COG5: variants seen among roughly 807,000 people sequenced by gnomAD.
The protein encoded by COG5 is conserved oligomeric Golgi complex subunit 5.
COG5 carries 86 observed loss-of-function variants against 110.4 expected under a neutral mutation model. The observed-to-expected ratio is 0.78, with a 90% CI of 0.65 to 0.93. The LOEUF (loss-of-function observed/expected upper bound fraction) is 0.93. Ranked by LOEUF, COG5 falls within the 40% of genes least tolerant of loss-of-function variation. COG5 has a pLI of 0.00. For synonymous variants in COG5, 360 were observed against 334.6 expected (o/e 1.08, Z -0.83); for missense variants, 1,077 against 987.0 (o/e 1.09, Z -1.22).
intron 21 of COG5, among the ~76,000 whole-genome samples, chr7:107,205,853 T>C (rs1027454244): frequency 6.6e-6 from 1 of 151,808 alleles, no homozygotes; most frequent in African/African-American, 2.4e-5. Context: ...ATCCGGCACT[T>C]TGGAATCCCT....
rs759260010 is a variant in COG5, at chr7:107,236,439, C to A, written c.2091+11G>T. ...AAACATTTTTTCTTTTGTAGTAATTCATCAATGTACCTGTGCAAAATCAGC... is the reference window on the plus strand; with the variant it reads ...AAACATTTTTTCTTTTGTAGTAATTAATCAATGTACCTGTGCAAAATCAGC... On this transcript the variant is annotated intron_variant, in intron 18 of 21. Coordinates refer to ENST00000297135, the MANE Select transcript of COG5 (RefSeq NM_006348.5). 2.5e-6 allele frequency: 4 copies of A among 1,585,912 alleles called. No individual in the cohort carries two copies. The South Asian group carries it at 3.3e-5, about 13-fold the overall frequency.
chr7:107,516,131 A>C (rs1345470043), intron 6 of COG5, among the ~76,000 whole-genome samples: 1 of 152,234 alleles, frequency 6.6e-6, no homozygotes, highest in African/African-American at 2.4e-5. Context: ...AACCTGCATT[A>C]AAAAGTACAA....
intron 6 of COG5, among the ~76,000 whole-genome samples, chr7:107,487,839 T>G (rs1797739293): frequency 6.6e-6 from 1 of 152,122 alleles, no homozygotes; most frequent in African/African-American, 2.4e-5. Context: ...TTTATTAACA[T>G]GGCATTATGT....
intron 3 of COG5, chr7:107,549,396 G>C (rs1354026953): frequency 1.3e-5 from 2 of 151,798 alleles, no homozygotes; most frequent in African/African-American, 4.9e-5. Context: ...TTTTTGTCTA[G>C]GCTTTCTTTT....
intron 16 of COG5, chr7:107,253,140 C>G (rs940088644): frequency 6.6e-6 from 1 of 152,006 alleles, no homozygotes; most frequent in Non-Finnish European, 1.5e-5. Context: ...AATAAAAATC[C>G]CTATTTGCAT....
intron 11 of COG5, among the ~76,000 whole-genome samples, chr7:107,310,744 C>T (rs1010700470): frequency 6.6e-6 from 1 of 152,130 alleles, no homozygotes; most frequent in Admixed American, 6.6e-5. Flanking sequence ...AACACTAAGA[C>T]ATCCCAAAAG....
At chr7:107,311,332 G>T in intron 11 of COG5, among the ~76,000 whole-genome samples, 1 of 136,070 alleles carries the variant, frequency 7.3e-6, no homozygotes. Context: ...TGTACGTTCT[G>T]CATTTCTCTA....
At chr7:107,387,376 G>A (rs894579757) in intron 7 of COG5, among the ~76,000 whole-genome samples, 7 of 152,282 alleles carry the variant, frequency 4.6e-5, no homozygotes, top group East Asian at 1.9e-4. Flanking sequence ...AAGCAGCAGC[G>A]CCTAAGCAAG....
intron 6 of COG5, among the ~76,000 whole-genome samples, chr7:107,467,162 C>G (rs900143076): frequency 5.3e-5 from 8 of 151,982 alleles, no homozygotes; most frequent in Non-Finnish European, 1.2e-4. Flanking sequence ...AAAAGCACGA[C>G]TTTTAAAAAA....
chr7:107,428,815 T>C (rs1349061677), intron 6 of COG5, among the ~76,000 whole-genome samples: 1 of 152,206 alleles, frequency 6.6e-6, no homozygotes, highest in African/African-American at 2.4e-5. Flanking sequence ...GGATGAGCTG[T>C]TTAATCTTCT....
intron 8 of COG5, among the ~76,000 whole-genome samples, chr7:107,365,596 C>CAAAAAAAAAAAAAAA (rs71134263): frequency 3.5e-4 from 13 of 36,704 alleles, no homozygotes; most frequent in Admixed American, 1.3e-3. Context: ...TGCAAAATGA[C>CAAAAAAAAAAAAAAA]AAAAAAAAAA....
intron 12 of COG5, among the ~76,000 whole-genome samples, chr7:107,291,645 T>C (rs552945243): frequency 6.6e-4 from 101 of 152,308 alleles, no homozygotes; most frequent in Non-Finnish European, 1.3e-3. Flanking sequence ...TAAACTCCAT[T>C]AACTGACTGC....
At chr7:107,207,980 A>T (rs1367974536) in intron 21 of COG5, 31 of 985,328 alleles carry the variant, frequency 3.1e-5, no homozygotes, top group Non-Finnish European at 3.6e-5. Flanking sequence ...CAGAAGCTAA[A>T]ACAAATTTAC....
At chr7:107,350,476 A>G (rs1812038853) in intron 10 of COG5, among the ~76,000 whole-genome samples, 1 of 152,174 alleles carries the variant, frequency 6.6e-6, no homozygotes, top group Non-Finnish European at 1.5e-5. Context: ...TCATTTACAG[A>G]TACCTTAGAT....
intron 12 of COG5, among the ~76,000 whole-genome samples, chr7:107,297,020 G>A (rs1314302081): frequency 6.6e-6 from 1 of 152,154 alleles, no homozygotes; most frequent in African/African-American, 2.4e-5. Flanking sequence ...AGCTGGGCGG[G>A]CTAAACTTGC....
Position 107,207,574 on chromosome 7 carries a change from A to G in COG5, c.2375+2952T>C, listed in dbSNP as rs544620840. On this transcript the variant is annotated intron_variant, in intron 21 of 21. Transcript: ENST00000297135. ...TTGAGGCCAACCCCACCGCTGTTAC[A>G]GAGCTTGAGAAATCTTTCCATCAAA... Among the ~76,000 whole-genome samples the G allele has an allele frequency of 2.6e-5, 4 of 152,374 alleles. No homozygotes were observed. In the East Asian group the frequency reaches 7.7e-4, roughly 29 times the overall value.
At chr7:107,415,950 A>ATGTG (rs1221670782) in intron 6 of COG5, among the ~76,000 whole-genome samples, 3 of 106,262 alleles carry the variant, frequency 2.8e-5, no homozygotes, top group Non-Finnish European at 6.3e-5. Flanking sequence ...GTATGTATGT[A>ATGTG]TGTGTGTGTA....
chr7:107,221,650 A>G (rs1799933795), intron 19 of COG5, among the ~76,000 whole-genome samples: 3 of 151,940 alleles, frequency 2.0e-5, no homozygotes, highest in South Asian at 4.2e-4. Context: ...CTGTAGTCCC[A>G]GCCACTCGGG....
At chr7:107,313,084 C>T (rs561184805) in intron 11 of COG5, among the ~76,000 whole-genome samples, 1 of 152,284 alleles carries the variant, frequency 6.6e-6, no homozygotes, top group African/African-American at 2.4e-5. Context: ...CAAACACAAG[C>T]AAGGTCTTAT....
Sources: gnomAD v4.1 joint callset for allele counts (sites outside exome capture counted in the v4.1 genomes callset) on GRCh38, gnomAD v4.1.1 for gene constraint, MANE v1.5 for transcripts, NCBI Gene and HGNC (gene_info 2026-07-23, HGNC 2026-07-21) for gene names.